Variants in NEBL observed in about 807,000 individuals in gnomAD.
The protein encoded by NEBL is LIM and SH3 protein 2.
In NEBL, 122 loss-of-function variants were observed where a neutral mutation model predicts 140.2. The ratio of observed to expected loss-of-function variants is 0.87; its 90% confidence interval spans 0.75 to 1.01. The LOEUF (loss-of-function observed/expected upper bound fraction) is 1.01, where lower values mean the gene tolerates loss of function less well. Ranked by LOEUF, NEBL falls within the 50% of genes least tolerant of loss-of-function variation. The pLI, the probability that NEBL is intolerant of heterozygous loss-of-function variation, is 0.00. For synonymous variants in NEBL, 436 were observed against 398.9 expected, an observed-to-expected ratio of 1.09 and a Z score of -1.11; for missense variants, 1,365 against 1,231.3, an observed-to-expected ratio of 1.11 and a Z score of -1.62.
At chr10:20,891,951 A>T (rs368484062) in intron 2 of NEBL, among the ~76,000 whole-genome samples, 164 of 152,322 alleles carry the variant, frequency 1.1e-3, no homozygotes, top group African/African-American at 3.9e-3. Flanking sequence ...GATAACAGGA[A>T]ATGATCATTG....
intron 26 of NEBL, among the ~76,000 whole-genome samples, chr10:20,807,655 T>C (rs1158314292): frequency 6.7e-6 from 1 of 150,360 alleles, no homozygotes; most frequent in Admixed American, 6.6e-5. Flanking sequence ...GTTAAGTTGC[T>C]CAACCTCAAA....
chr10:21,208,703 T>C (rs1453169797), intron 3 of NEBL, among the ~76,000 whole-genome samples: 1 of 152,016 alleles, frequency 6.6e-6, no homozygotes, highest in East Asian at 1.9e-4. Context: ...TTGCTGCAGG[T>C]GGGGAGAGCA....
intron 3 of NEBL, among the ~76,000 whole-genome samples, chr10:21,009,292 T>C (rs1838247672): frequency 6.6e-6 from 1 of 152,224 alleles, no homozygotes; most frequent in South Asian, 2.1e-4. Flanking sequence ...TATTTAGTTG[T>C]GTGGTGTCTA....
At chr10:21,292,583 C>T (rs1035904018) in intron 1 of NEBL, among the ~76,000 whole-genome samples, 19 of 152,182 alleles carry the variant, frequency 1.2e-4, no homozygotes, top group Non-Finnish European at 1.8e-4. Context: ...TTTTATCTTA[C>T]TCTAAATACT....
intron 1 of NEBL, among the ~76,000 whole-genome samples, chr10:21,262,391 C>T (rs1389079670): frequency 6.6e-6 from 1 of 152,168 alleles, no homozygotes; most frequent in Non-Finnish European, 1.5e-5. Context: ...CTGGCCCACT[C>T]GGCTAGGGGG....
intron 4 of NEBL, among the ~76,000 whole-genome samples, chr10:20,940,730 A>G (rs1227736452): frequency 5.3e-5 from 8 of 150,796 alleles, no homozygotes; most frequent in African/African-American, 1.7e-4. Flanking sequence ...TCAAATAGAC[A>G]CAATAAAAAA....
intron 3 of NEBL, among the ~76,000 whole-genome samples, chr10:21,000,073 T>C (rs1260850793): frequency 1.3e-5 from 2 of 150,960 alleles, no homozygotes; most frequent in East Asian, 2.0e-4. Context: ...CTATTGTAGT[T>C]TGGAAGGCGG....
chr10:20,781,886 A>C lies in NEBL; in HGVS notation c.*3861T>G, dbSNP rs1313736510. 1 of 152,614 alleles carries C rather than the reference A, an allele frequency of 6.6e-6. No homozygotes were observed. Among genetic ancestry groups the C allele is most frequent in the East Asian group, 1.9e-4 (1 of 5,198 alleles). 9.5% of individuals were successfully genotyped at this position (152,614 alleles called of 1,614,324 possible). A position where few individuals can be genotyped will look rare whatever the true frequency, so the allele number is the denominator to read the frequency against. On this transcript the variant is annotated 3_prime_UTR_variant, in exon 28 of 28. Coordinates refer to ENST00000377122, the MANE Select transcript of NEBL (RefSeq NM_006393.3). ...ACCTCCATATCACCTTAACCAAAAC[A>C]ACCACAATCTAGCCACTTTTAGATT...
intron 4 of NEBL, among the ~76,000 whole-genome samples, chr10:20,948,784 C>T (rs1835300197): frequency 6.6e-6 from 1 of 152,198 alleles, no homozygotes; most frequent in South Asian, 2.1e-4. Context: ...ACTGATTCAG[C>T]TATTTAATCT....
chr10:20,893,909 G>A (rs527678199), intron 2 of NEBL, among the ~76,000 whole-genome samples: 1 of 152,258 alleles, frequency 6.6e-6, no homozygotes, highest in Admixed American at 6.5e-5. Context: ...GGCTCTGATG[G>A]TCTACAGATT....
chr10:20,905,704 A>G (rs1006349282), intron 4 of NEBL, among the ~76,000 whole-genome samples: 5 of 152,188 alleles, frequency 3.3e-5, no homozygotes, highest in South Asian at 2.1e-4. Context: ...GCATCCAAAG[A>G]GCATTTGCAA....
intron 26 of NEBL, among the ~76,000 whole-genome samples, chr10:20,807,938 A>G (rs546415937): frequency 1.3e-5 from 2 of 152,220 alleles, no homozygotes; most frequent in East Asian, 3.9e-4. Flanking sequence ...GTGGGTATAT[A>G]AAATAGTGAC....
At chr10:21,005,099 TAAAC>T (rs1214440400) in intron 3 of NEBL, among the ~76,000 whole-genome samples, 1 of 152,108 alleles carries the variant, frequency 6.6e-6, no homozygotes. Context: ...CACAACCAAA[TAAAC>T]AGACAAATAC....
chr10:21,242,047 T>C (rs1037021323), intron 3 of NEBL, among the ~76,000 whole-genome samples: 7 of 151,870 alleles, frequency 4.6e-5, no homozygotes, highest in African/African-American at 1.7e-4. Context: ...ACACAAAATA[T>C]AAAAATTAGC....
chr10:20,991,243 C>G (rs780647484), intron 3 of NEBL, among the ~76,000 whole-genome samples: 2 of 151,606 alleles, frequency 1.3e-5, no homozygotes. Flanking sequence ...TTTTACAGTA[C>G]ATTTATAACT....
intron 1 of NEBL, among the ~76,000 whole-genome samples, chr10:21,291,514 A>AG (rs1376018010): frequency 2.0e-5 from 3 of 151,610 alleles, no homozygotes; most frequent in Non-Finnish European, 4.4e-5. Flanking sequence ...TAAAAAAAAA[A>AG]AAAAAGAAGA....
intron 3 of NEBL, among the ~76,000 whole-genome samples, chr10:21,200,793 G>A (rs550692593): frequency 1.3e-5 from 2 of 152,104 alleles, no homozygotes; most frequent in Non-Finnish European, 2.9e-5. Flanking sequence ...GTGACCTAAG[G>A]TTACAGTGAT....
chr10:21,081,152 G>A (rs1234361252), intron 2 of NEBL, among the ~76,000 whole-genome samples: 1 of 152,128 alleles, frequency 6.6e-6, no homozygotes, highest in African/African-American at 2.4e-5. Context: ...ACCACACCTG[G>A]CTGATCTGGT....
At chr10:21,038,809 C>A (rs550382412) in intron 2 of NEBL, among the ~76,000 whole-genome samples, 2 of 152,328 alleles carry the variant, frequency 1.3e-5, no homozygotes, top group East Asian at 1.9e-4. Context: ...AATGGTTGAA[C>A]TAATTTACAC....
Sources: allele counts gnomAD v4.1 joint callset (sites outside exome capture counted in the v4.1 genomes callset), GRCh38; gene constraint gnomAD v4.1.1; transcripts MANE v1.5; gene names NCBI Gene and HGNC (gene_info 2026-07-23, HGNC 2026-07-21).